BRAP: variants seen among roughly 807,000 people sequenced by gnomAD.
The protein encoded by BRAP is BRCA1 associated protein, also known as BRCA1-associated protein.
In BRAP, 42 loss-of-function variants were observed where a neutral mutation model predicts 73.4. The ratio of observed to expected loss-of-function variants is 0.57; its 90% CI spans 0.45 to 0.74. The LOEUF (loss-of-function observed/expected upper bound fraction) is 0.74. Ranked by LOEUF, BRAP falls within the 30% of genes least tolerant of loss-of-function variation. BRAP has a pLI of 0.00. For synonymous variants in BRAP, 255 were observed against 267.4 expected (o/e 0.95, Z 0.45); for missense variants, 593 against 751.4 (o/e 0.79, Z 2.46).
rs768028564 is a variant in BRAP at position 111,658,750 on chromosome 12, C to A, written c.1207G>T (p.Ala403Ser). The A allele has an allele frequency of 5.0e-6, 8 of 1,595,140 alleles. No homozygotes were observed. In the East Asian group the frequency reaches 1.6e-4, roughly 31 times the overall value. The change falls in exon 9 of 12, where the codon GCC becomes TCC. Residue 403 changes from alanine to serine, a missense_variant. Physicochemically the swap from Ala to Ser is moderately conservative, Grantham distance 99 (BLOSUM62 1). Transcript: ENST00000419234. The part of the protein sequence containing the change: ...GDTCQEEKID[A>S]LQLEYSYLLT... ...AAATCTCTTACCTCTAACTGTAAGG[C>A]ATCTATTTTCTCTTCCTGGCAAGTA...
intron 4 of BRAP, among the ~76,000 whole-genome samples, chr12:111,678,383 G>A (rs1052589937): frequency 3.3e-5 from 5 of 151,940 alleles, no homozygotes; most frequent in African/African-American, 1.2e-4. Context: ...AACAGGCCGG[G>A]CATGATGGCT....
At chr12:111,663,002 C>T (rs1886812325) in intron 6 of BRAP, among the ~76,000 whole-genome samples, 1 of 150,796 alleles carries the variant, frequency 6.6e-6, no homozygotes, top group Non-Finnish European at 1.5e-5. Flanking sequence ...AGAACTGGTT[C>T]TGAAATCTAA....
At chr12:111,679,478 C>A (rs1887517779) in intron 3 of BRAP, 138 bp from the exon 4 acceptor site, 2 of 515,204 alleles carry the variant, frequency 3.9e-6, no homozygotes, top group East Asian at 3.4e-5. Flanking sequence ...CTATATTATA[C>A]CCCCCATTGG....
chr12:111,674,244 C>T (rs976701511), intron 4 of BRAP, among the ~76,000 whole-genome samples: 2 of 152,012 alleles, frequency 1.3e-5, no homozygotes, highest in Non-Finnish European at 2.9e-5. Context: ...TATGCTTCCC[C>T]CCCACCTTTT....
At position 111,665,935 on chromosome 12, in the gene BRAP, C is replaced by T. The variant is rs1384926315; in HGVS notation, c.748-148G>A. On this transcript the variant is annotated intron_variant, in intron 5 of 11. Transcript: ENST00000419234. The surrounding 1 kb of genome is among the most constrained non-coding windows in gnomAD (Gnocchi z 4.3). ...ATGGCTCATTACAGCCTTGACCTCCCAGGCTCAAGAGATCTGCCCACCTCA... is the reference window on the plus strand; with the variant it reads ...ATGGCTCATTACAGCCTTGACCTCCTAGGCTCAAGAGATCTGCCCACCTCA... The T allele has an allele frequency of 2.7e-6, 3 of 1,124,556 alleles. No homozygotes were observed. Among genetic ancestry groups the T allele is most frequent in the Non-Finnish European group, 3.8e-6 (3 of 798,120 alleles). The allele number at this position is 1,124,556 out of a possible 1,614,324, so 69.7% of individuals were successfully genotyped here.
chr12:111,655,612 T>C lies in BRAP; in HGVS notation c.1265A>G (p.Tyr422Cys), dbSNP rs989615587. The C allele has an allele frequency of 6.2e-7, 1 of 1,613,772 alleles. No homozygotes were observed. The highest frequency in any genetic ancestry group is 1.3e-5 in the African/African-American group (1 of 74,936). ...TATCCGAACTATCTTGTTTTCCCAG[T>C]AGATTCGCTGAGATTCCAGCTGGCT... The part of the protein sequence containing the change: ...LTSQLESQRI[Y>C]WENKIVRIEK... The change falls in exon 10 of 12, where the codon TAC becomes TGC. Residue 422 changes from tyrosine (Y) to cysteine (C), a missense_variant. By Grantham distance (194) the Tyr-to-Cys change is radical (BLOSUM62 -2). This residue lies in a region of BRAP where 143 missense variants were observed against 190.4 expected (regional missense o/e 0.75). Coordinates refer to ENST00000419234, the MANE Select transcript of BRAP (RefSeq NM_006768.5).
Position 111,665,641 on chromosome 12 carries a change from G to A in BRAP, c.894C>T (p.Thr298=), listed in dbSNP as rs372725041. The A allele has an allele frequency of 3.6e-5, 58 of 1,614,014 alleles. No homozygotes were observed. Among genetic ancestry groups the A allele is most frequent in the Non-Finnish European group, 4.7e-5 (55 of 1,180,036 alleles). ...HSQCLQRWDD[T]TCPVCRYCQT... The stretch of plus-strand genomic sequence containing the variant: ...AGGGGTTCGGCCCCTGCACTCACGT[G>A]GTATCGTCCCAGCGCTGTAGACACT... The change falls in exon 6 of 12, where the codon ACC becomes ACT. Residue 298 remains threonine (T), a splice_region_variant and synonymous_variant. Transcript: ENST00000419234. This position sits in a 1 kb window ranked among gnomAD's most constrained non-coding sequence, Gnocchi z 4.3.
chr12:111,652,742 G>A lies in BRAP; in HGVS notation c.1312-2700C>T, dbSNP rs1269754153. On this transcript the variant is annotated intron_variant, in intron 10 of 11. Coordinates refer to ENST00000419234, the MANE Select transcript of BRAP (RefSeq NM_006768.5). ...CTCTTTTTTTTTGAGATGGCGTCTC[G>A]CTCTGTTGCCCAGGCTGGAATGCAG... 3.3e-5 allele frequency among the ~76,000 whole-genome samples: 5 copies of A among 151,022 alleles called. No homozygotes were observed. The South Asian group carries it at 8.4e-4, about 25-fold the overall frequency.
In BRAP at chr12:111,679,357, T is replaced by TA; in HGVS notation, c.444-18dup. On this transcript the variant is annotated splice_polypyrimidine_tract_variant and intron_variant, in intron 3 of 11. Transcript: ENST00000419234. ...GTCATCTTACTAACAAAAAAAAAAT[T>TA]AGAGTGTCTTGAATAGATGAGGTAT... is the stretch of plus-strand genomic sequence containing the variant. 4.0e-6 allele frequency: 6 copies of TA among 1,507,826 alleles called. No homozygotes were observed. The Middle Eastern group carries it at 5.3e-4, about 132-fold the overall frequency. The allele number at this position is 1,507,826 out of a possible 1,614,324, so 93.4% of individuals were successfully genotyped here.
chr12:111,646,277 C>A (rs191920149), intron 11 of BRAP, among the ~76,000 whole-genome samples: 156 of 150,530 alleles, frequency 1.0e-3, no homozygotes, highest in African/African-American at 3.6e-3. Flanking sequence ...CAGAGTAAGA[C>A]CCTGTCTCAA....
intron 2 of BRAP, 128 bp downstream of exon 2, chr12:111,683,018 A>C (rs1054735104): frequency 2.0e-5 from 20 of 997,626 alleles, no homozygotes; most frequent in Middle Eastern, 2.4e-4. Flanking sequence ...GTGTCATATA[A>C]AGCACACACG....
intron 5 of BRAP, among the ~76,000 whole-genome samples, chr12:111,666,478 G>A (rs988439758): frequency 3.9e-5 from 6 of 152,188 alleles, no homozygotes; most frequent in Non-Finnish European, 7.3e-5. Context: ...CCCCTGCTAT[G>A]TGCAGCAGAC....
intron 1 of BRAP, 36 bp downstream of exon 1, chr12:111,685,675 C>G: frequency 6.3e-7 from 1 of 1,584,954 alleles, no homozygotes; most frequent in Non-Finnish European, 8.6e-7. Context: ...GGCCCAGACC[C>G]GGCTACAGGG....
rs16941606 is a variant in BRAP, at chr12:111,675,001, C to T, written c.634-2227G>A. On this transcript the variant is annotated intron_variant, in intron 4 of 11. Transcript: ENST00000419234. ...GCCTCCTCTACAGGAAAGGATAAGGCATGTGACCAAAACCATTCAATGAAT... is the reference window on the plus strand; with the variant it reads ...GCCTCCTCTACAGGAAAGGATAAGGTATGTGACCAAAACCATTCAATGAAT... Among the ~76,000 whole-genome samples, 1,212 of 152,292 alleles carry T rather than the reference C, an allele frequency of 8.0e-3. 16 individuals are homozygous for T. The highest frequency in any genetic ancestry group is 0.028 in the African/African-American group (1,163 of 41,574).
chr12:111,682,314 A>C (rs1261190687), intron 2 of BRAP, among the ~76,000 whole-genome samples: 1 of 151,888 alleles, frequency 6.6e-6, no homozygotes, highest in Admixed American at 6.6e-5. Context: ...CCTGGCTCAC[A>C]TGGTGAAACC....
intron 4 of BRAP, among the ~76,000 whole-genome samples, chr12:111,674,335 C>A (rs1566125982): frequency 6.6e-6 from 1 of 152,104 alleles, no homozygotes; most frequent in Non-Finnish European, 1.5e-5. Flanking sequence ...CTCTGCCTCC[C>A]AGGTTCAAGC....
intron 3 of BRAP, among the ~76,000 whole-genome samples, chr12:111,680,177 G>A (rs1887546500): frequency 2.0e-5 from 3 of 151,378 alleles, no homozygotes; most frequent in Admixed American, 2.0e-4. Context: ...GGCTGGTTTC[G>A]AACTCCTGAC....
chr12:111,676,746 A>G (rs1363346400), intron 4 of BRAP, among the ~76,000 whole-genome samples: 1 of 152,136 alleles, frequency 6.6e-6, no homozygotes, highest in Non-Finnish European at 1.5e-5. Flanking sequence ...ATTCAAGGAG[A>G]CAATGCATGG....
At chr12:111,667,429 G>A (rs539406101) in intron 5 of BRAP, among the ~76,000 whole-genome samples, 27 of 152,190 alleles carry the variant, frequency 1.8e-4, no homozygotes, top group Non-Finnish European at 3.7e-4. Context: ...GCCGGGCGGG[G>A]TGGCTCACGC....
Sources: allele counts gnomAD v4.1 joint callset (sites outside exome capture counted in the v4.1 genomes callset), GRCh38; gene constraint gnomAD v4.1.1; regional missense constraint gnomAD v4.1.1; non-coding constraint Gnocchi (gnomAD v3.1); transcripts MANE v1.5; gene names NCBI Gene and HGNC (gene_info 2026-07-23, HGNC 2026-07-21).